Variants in ARIH2 observed in about 807,000 individuals in gnomAD.
ARIH2 encodes E3 ubiquitin-protein ligase ARIH2.
In ARIH2, 12 loss-of-function variants were observed where a neutral mutation model predicts 79.8. The observed-to-expected ratio is 0.15, with a 90% confidence interval of 0.10 to 0.24. ARIH2 has a LOEUF of 0.24. Ranked by LOEUF, ARIH2 falls within the 10% of genes least tolerant of loss-of-function variation. The pLI, the probability that ARIH2 is intolerant of heterozygous loss-of-function variation, is 1.00. For missense variants in ARIH2, 301 were observed against 618.3 expected (o/e 0.49, Z 5.44); for synonymous variants, 224 against 213.9 (o/e 1.05, Z -0.41).
At chr3:48,922,518 CCA>C (rs1204846770) in intron 1 of ARIH2, 2 of 152,064 alleles carry the variant, frequency 1.3e-5, no homozygotes, top group African/African-American at 4.8e-5. Flanking sequence ...CAGGCGTGAG[CCA>C]CAACACCCAG....
At chr3:48,944,269 G>A (rs2088793445) in intron 3 of ARIH2, among the ~76,000 whole-genome samples, 1 of 151,824 alleles carries the variant, frequency 6.6e-6, no homozygotes, top group Non-Finnish European at 1.5e-5. Flanking sequence ...TTTGGTAGAT[G>A]TTTGAAATTT....
rs188717172 is a variant in ARIH2, at chr3:48,975,951, C to T, written c.961+972C>T. On this transcript the variant is annotated intron_variant, in intron 11 of 15. Transcript: ENST00000356401. ...TTTGAGACAGAGTCTCAGTCTGTCG[C>T]CCAGGCTGGAGTGCAGTGGTGTGAT... 5.1e-3 allele frequency among the ~76,000 whole-genome samples: 776 copies of T among 152,064 alleles called. 3 individuals are homozygous for T. Among genetic ancestry groups the T allele is most frequent in the Middle Eastern group, 0.02 (6 of 294 alleles).
chr3:48,936,742 A>G (rs2087193754), intron 3 of ARIH2, among the ~76,000 whole-genome samples: 1 of 147,050 alleles, frequency 6.8e-6, no homozygotes, highest in South Asian at 2.2e-4. Flanking sequence ...CAAAAAAACA[A>G]AAACAGGCCG....
At chr3:48,969,034 C>A (rs966374160) in intron 7 of ARIH2, among the ~76,000 whole-genome samples, 21 of 152,162 alleles carry the variant, frequency 1.4e-4, no homozygotes, top group African/African-American at 4.8e-4. Flanking sequence ...CAGGCATGCA[C>A]CACCACTCGC....
In ARIH2 at chr3:48,967,172, T is replaced by A. The variant is rs995636397; in HGVS notation, c.435T>A (p.Phe145Leu). 79 of 1,614,096 alleles carry A rather than the reference T, an allele frequency of 4.9e-5. No homozygotes were observed. Among genetic ancestry groups the A allele is most frequent in the Non-Finnish European group, 6.2e-5 (73 of 1,180,052 alleles). ...ACCACTGTGCAGTGTGTATGCAGTT[T>A]GTGCGAAAGGAAAACCTACTCTCTC... ...PPHHCAVCMQFVRKENLLSLA... is the reference protein window; with the variant it reads ...PPHHCAVCMQLVRKENLLSLA... Residue 145 changes from phenylalanine to leucine, a missense_variant, in exon 6 of 16, where the codon TTT (phenylalanine) becomes TTA (leucine). By Grantham distance (22) the Phe-to-Leu change is conservative. Around this residue, in one of 2 missense-constraint regions of ARIH2, gnomAD observed 223 missense variants for 349.4 expected, o/e 0.64. Transcript: ENST00000356401.
intron 3 of ARIH2, among the ~76,000 whole-genome samples, chr3:48,948,030 G>T (rs1477416456): frequency 6.6e-6 from 1 of 151,634 alleles, no homozygotes; most frequent in South Asian, 2.1e-4. Flanking sequence ...GTGTGATCTC[G>T]GCTAACTGCA....
At position 48,940,987 on chromosome 3, in the gene ARIH2, G is replaced by C. The variant is rs372724146; in HGVS notation, c.255+13174G>C. 4.0e-5 allele frequency among the ~76,000 whole-genome samples: 6 copies of C among 150,686 alleles called. No individual in the cohort carries two copies. In the East Asian group the frequency reaches 7.8e-4, roughly 20 times the overall value. ...GATCAAGACTATCCTGGCTAACATG[G>C]TGAAACCCCGTCTCTACTGAAAATA... On this transcript the variant is annotated intron_variant, in intron 3 of 15. Transcript: ENST00000356401.
intron 2 of ARIH2, among the ~76,000 whole-genome samples, chr3:48,925,940 G>T (rs768422252): frequency 1.3e-5 from 2 of 152,050 alleles, no homozygotes; most frequent in African/African-American, 2.4e-5. Flanking sequence ...GGATGCTCTT[G>T]ATCTCCTGAC....
chr3:48,983,159 C>T (rs1471215566), intron 15 of ARIH2, 40 bp from the exon 16 acceptor site: 2 of 1,609,880 alleles, frequency 1.2e-6, no homozygotes, highest in Admixed American at 1.7e-5. Context: ...TGCTCCCAGG[C>T]CTGGGCCATG....
chr3:48,959,830 G>T (rs530565713), intron 3 of ARIH2, among the ~76,000 whole-genome samples: 3 of 152,276 alleles, frequency 2.0e-5, no homozygotes, highest in Admixed American at 6.5e-5. Context: ...CTCACTGATT[G>T]CATAGCCTTT....
intron 6 of ARIH2, 66 bp downstream of exon 6, chr3:48,967,341 T>C: frequency 1.3e-6 from 2 of 1,538,200 alleles, no homozygotes; most frequent in Non-Finnish European, 8.8e-7. Context: ...TGCCTTTTCA[T>C]GTACTCAAGT....
chr3:48,926,242 C>CGT (rs34080246), intron 2 of ARIH2, among the ~76,000 whole-genome samples: 3,333 of 148,082 alleles, frequency 0.023, 64 homozygotes, highest in African/African-American at 0.053. Flanking sequence ...GAGTTTCCCT[C>CGT]GTGTGTGTGT....
intron 9 of ARIH2, among the ~76,000 whole-genome samples, chr3:48,974,317 C>T (rs764303607): frequency 3.3e-5 from 5 of 152,182 alleles, no homozygotes; most frequent in Non-Finnish European, 5.9e-5. Flanking sequence ...TAAACATAGT[C>T]GACTTCACGG....
chr3:48,959,830 G>A (rs530565713), intron 3 of ARIH2, among the ~76,000 whole-genome samples: 1 of 152,158 alleles, frequency 6.6e-6, no homozygotes, highest in African/African-American at 2.4e-5. Flanking sequence ...CTCACTGATT[G>A]CATAGCCTTT....
intron 3 of ARIH2, chr3:48,949,007 C>G (rs1424605221): frequency 2.2e-6 from 1 of 455,520 alleles, no homozygotes; most frequent in African/African-American, 2.0e-5. Context: ...CAGTATGCTG[C>G]TGTGACCATT....
At chr3:48,948,626 T>G (rs2089544890) in intron 3 of ARIH2, among the ~76,000 whole-genome samples, 1 of 152,200 alleles carries the variant, frequency 6.6e-6, no homozygotes, top group African/African-American at 2.4e-5. Context: ...TATTTGAGTT[T>G]TATTAAATGT....
chr3:48,960,723 C>T (rs2091160797), intron 3 of ARIH2, among the ~76,000 whole-genome samples: 3 of 150,312 alleles, frequency 2.0e-5, no homozygotes, highest in Admixed American at 6.6e-5. Flanking sequence ...GAGGTCATGC[C>T]ACTGCACTCC....
chr3:48,933,898 A>G (rs896303302), intron 3 of ARIH2, among the ~76,000 whole-genome samples: 9 of 152,174 alleles, frequency 5.9e-5, no homozygotes, highest in African/African-American at 2.2e-4. Context: ...TTGGAGAAAT[A>G]TGCCAATTAT....
At position 48,978,461 on chromosome 3, in the gene ARIH2, G is replaced by A. The variant is rs866800638; in HGVS notation, c.962-1021G>A. Among the ~76,000 whole-genome samples the A allele has an allele frequency of 3.1e-3, 284 of 91,728 alleles. 1 individual carries two copies. Among genetic ancestry groups the A allele is most frequent in the African/African-American group, 0.01 (252 of 24,590 alleles). 60.2% of individuals were successfully genotyped at this position (91,728 alleles called of 152,430 possible). On this transcript the variant is annotated intron_variant, in intron 11 of 15. Coordinates refer to ENST00000356401, the MANE Select transcript of ARIH2 (RefSeq NM_006321.4). ...TGTGTGTGTGTGTGTGTGTGTGTGTGTGTGTATATATATATATATATATTT... is the reference window on the plus strand; with the variant it reads ...TGTGTGTGTGTGTGTGTGTGTGTGTATGTGTATATATATATATATATATTT...
Sources: allele counts gnomAD v4.1 joint callset (sites outside exome capture counted in the v4.1 genomes callset), GRCh38; gene constraint gnomAD v4.1.1; regional missense constraint gnomAD v4.1.1; transcripts MANE v1.5; gene names NCBI Gene and HGNC (gene_info 2026-07-23, HGNC 2026-07-21).